The following NEK10 variants were observed in gnomAD, a reference collection of about 807,000 sequenced individuals.
NEK10 encodes NIMA related kinase 10.
Under a neutral mutation model 159.8 loss-of-function variants are expected in NEK10, and 122 were observed. The observed-to-expected ratio is 0.76, with a 90% CI of 0.66 to 0.89. NEK10 has a LOEUF of 0.89. NEK10 is among the 40% of genes least tolerant of loss of function. The probability of loss-of-function intolerance (pLI) is 0.00; values close to 1 mark genes in which losing one functional copy is unlikely to be tolerated. For missense variants in NEK10, 1,342 were observed against 1,323.1 expected (o/e 1.01, Z -0.22); for synonymous variants, 466 against 457.1 (o/e 1.02, Z -0.25).
intron 30 of NEK10, chr3:27,162,264 T>A: frequency 1.0e-6 from 1 of 981,272 alleles, no homozygotes; most frequent in Non-Finnish European, 1.4e-6. Context: ...CCCATAATAT[T>A]TCAACCAACA....
rs1559462727 is a variant in NEK10 at position 27,301,743 on chromosome 3, T to A, written c.1121A>T (p.Asp374Val). Residue 374 changes from aspartate to valine, a missense_variant, in exon 13 of 36, where the codon GAC (aspartate) becomes GTC (valine). Transcript: ENST00000691995. ...TTCTTGTATTTCCCTAGGGCTCAAG[T>A]CTTCTGATAAATGAAGCTGCTGGAT... ...GRIQQLHLSE[D>V]LSPREIQENT... 1 of 1,577,622 alleles carries A rather than the reference T, an allele frequency of 6.3e-7. No homozygotes were observed. The highest frequency in any genetic ancestry group is 8.6e-7 in the Non-Finnish European group (1 of 1,159,236).
At chr3:27,128,223 G>A (rs1415914640) in intron 32 of NEK10, among the ~76,000 whole-genome samples, 4 of 152,140 alleles carry the variant, frequency 2.6e-5, no homozygotes, top group African/African-American at 9.7e-5. Flanking sequence ...ACAAACACAG[G>A]CATCAGAAAT....
intron 29 of NEK10, among the ~76,000 whole-genome samples, chr3:27,166,624 A>G (rs1463753651): frequency 2.0e-5 from 3 of 152,202 alleles, no homozygotes; most frequent in Non-Finnish European, 4.4e-5. Context: ...CACAAATATG[A>G]AGCTGAATTG....
chr3:27,156,154 T>C (rs1945395150), intron 30 of NEK10, among the ~76,000 whole-genome samples: 1 of 152,094 alleles, frequency 6.6e-6, no homozygotes, highest in South Asian at 2.1e-4. Flanking sequence ...GATTAAGGAC[T>C]TAAACCTAAG....
chr3:27,358,556 G>T (rs2048471917), intron 1 of NEK10, among the ~76,000 whole-genome samples: 1 of 152,184 alleles, frequency 6.6e-6, no homozygotes, highest in African/African-American at 2.4e-5. Flanking sequence ...TAATTGCTGA[G>T]TAAACACATG....
chr3:27,246,538 AT>A (rs768183504), intron 23 of NEK10, among the ~76,000 whole-genome samples: 14 of 152,186 alleles, frequency 9.2e-5, no homozygotes, highest in Non-Finnish European at 1.9e-4. Flanking sequence ...CACTTCAAGC[AT>A]TGTGTTAAAA....
chr3:27,116,279 C>A, intron 33 of NEK10, 152 bp from the exon 34 acceptor site: 1 of 696,100 alleles, frequency 1.4e-6, no homozygotes. Context: ...TCTGCCTTGG[C>A]TTTGAATATT....
At chr3:27,198,915 A>C (rs1010933022) in intron 25 of NEK10, among the ~76,000 whole-genome samples, 2 of 151,950 alleles carry the variant, frequency 1.3e-5, no homozygotes, top group African/African-American at 4.8e-5. Context: ...CTAAAAATAC[A>C]AAAAGAAATT....
chr3:27,123,761 CATTT>C (rs1410595959), intron 32 of NEK10, among the ~76,000 whole-genome samples: 2 of 151,940 alleles, frequency 1.3e-5, no homozygotes, highest in African/African-American at 4.8e-5. Context: ...GAAAAAGTGA[CATTT>C]ATGCCAAGAG....
In NEK10 at chr3:27,290,691, A is replaced by T; in HGVS notation, c.1669T>A (p.Phe557Ile). The change falls in exon 19 of 36, where the codon TTT (phenylalanine) becomes ATT (isoleucine). Residue 557 changes from phenylalanine (F) to isoleucine (I), a missense_variant. Transcript: ENST00000691995. ...TCTCGATCTTTCTTATCCTTTCCAA[A>T]TGCTGGGTTATGTAAATTGACCTCT... ...MKEVNLHNPA[F>I]GKDKKDRDSS... The T allele has an allele frequency of 6.2e-7, 1 of 1,608,074 alleles. No homozygotes were observed. The highest frequency in any genetic ancestry group is 8.5e-7 in the Non-Finnish European group (1 of 1,175,168).
chr3:27,162,186 T>C, intron 30 of NEK10: 1 of 441,632 alleles, frequency 2.3e-6, no homozygotes, highest in Non-Finnish European at 4.0e-6. Flanking sequence ...GGTATGTACT[T>C]GAAGCATCAA....
At chr3:27,186,667 C>T (rs1948651174) in intron 26 of NEK10, among the ~76,000 whole-genome samples, 1 of 152,164 alleles carries the variant, frequency 6.6e-6, no homozygotes, top group Non-Finnish European at 1.5e-5. Flanking sequence ...GAGCAGAGGC[C>T]TTGTCTATTT....
intron 23 of NEK10, among the ~76,000 whole-genome samples, chr3:27,220,690 A>G (rs1266040094): frequency 1.3e-5 from 2 of 152,132 alleles, no homozygotes; most frequent in East Asian, 3.9e-4. Flanking sequence ...AAATTTATCT[A>G]GAAACACACG....
At chr3:27,222,417 T>C (rs995299682) in intron 23 of NEK10, among the ~76,000 whole-genome samples, 4 of 152,134 alleles carry the variant, frequency 2.6e-5, no homozygotes, top group Non-Finnish European at 4.4e-5. Context: ...TAAGAATATA[T>C]AATAAAGCCA....
At chr3:27,321,321 A>T (rs1335377965) in intron 6 of NEK10, among the ~76,000 whole-genome samples, 1 of 152,172 alleles carries the variant, frequency 6.6e-6, no homozygotes, top group Non-Finnish European at 1.5e-5. Context: ...ACTGAGTCAG[A>T]TTCTGCATGT....
At position 27,131,838 on chromosome 3, in the gene NEK10, G is replaced by A. The variant is rs888734840; in HGVS notation, c.3081+42C>T. The A allele has an allele frequency of 5.5e-6, 6 of 1,084,490 alleles. No homozygotes were observed. In the African/African-American group the frequency reaches 7.8e-5, roughly 14 times the overall value. The allele number at this position is 1,084,490 out of a possible 1,614,324, so 67.2% of individuals were successfully genotyped here. A position where few individuals can be genotyped will look rare whatever the true frequency, so the allele number is the denominator to read the frequency against. Reference sequence around the variant, plus strand: ...GTATAAAATGTACCTCTTATGATGTGGTTTTGTCAGCAAAAGAATTCCTAT... The same window carrying A: ...GTATAAAATGTACCTCTTATGATGTAGTTTTGTCAGCAAAAGAATTCCTAT... On this transcript the variant is annotated intron_variant, in intron 32 of 35. Coordinates refer to ENST00000691995, the MANE Select transcript of NEK10 (RefSeq NM_001394966.1).
intron 15 of NEK10, among the ~76,000 whole-genome samples, chr3:27,294,111 G>C (rs769230030): frequency 3.9e-5 from 6 of 152,184 alleles, no homozygotes; most frequent in Non-Finnish European, 8.8e-5. Context: ...ATTCAAACTT[G>C]ACAAATTGGT....
At chr3:27,127,263 T>C (rs1269743305) in intron 32 of NEK10, among the ~76,000 whole-genome samples, 1 of 152,132 alleles carries the variant, frequency 6.6e-6, no homozygotes, top group Non-Finnish European at 1.5e-5. Context: ...AAGAGATGGA[T>C]TTCTTTTTAA....
At chr3:27,205,943 T>C (rs973618477) in intron 23 of NEK10, among the ~76,000 whole-genome samples, 1 of 147,956 alleles carries the variant, frequency 6.8e-6, no homozygotes, top group Non-Finnish European at 1.5e-5. Context: ...GGGAGAAAAT[T>C]TTCGCAACCT....
Sources: allele counts gnomAD v4.1 joint callset (sites outside exome capture counted in the v4.1 genomes callset), GRCh38; gene constraint gnomAD v4.1.1; transcripts MANE v1.5; gene names NCBI Gene and HGNC (gene_info 2026-07-23, HGNC 2026-07-21).